The following FMO3 variants were observed in gnomAD, a reference collection of about 807,000 sequenced individuals.
The protein encoded by FMO3 is flavin-containing monooxygenase 3.
A neutral mutation model predicts 39.4 loss-of-function variants in FMO3; 40 were observed. The ratio of observed to expected loss-of-function variants is 1.02; its 90% CI spans 0.79 to 1.32. The LOEUF (loss-of-function observed/expected upper bound fraction) is 1.32. Ranked by LOEUF, FMO3 falls within the 40% of genes most tolerant of loss-of-function variation. FMO3 has a pLI of 0.00. For missense variants in FMO3, 680 were observed against 651.8 expected (o/e 1.04, Z -0.47); for synonymous variants, 219 against 228.8 (o/e 0.96, Z 0.39).
intron 2 of FMO3, among the ~76,000 whole-genome samples, chr1:171,095,410 A>G (rs1255231511): frequency 6.6e-6 from 1 of 152,000 alleles, no homozygotes; most frequent in East Asian, 1.9e-4. Context: ...GGGCTTCCCT[A>G]TGTTCTCCAC....
chr1:171,096,941 T>TC (rs1655122842), intron 2 of FMO3, among the ~76,000 whole-genome samples: 2 of 147,432 alleles, frequency 1.4e-5, no homozygotes, highest in South Asian at 4.4e-4. Flanking sequence ...CCCTCCCCAC[T>TC]CCCCCCGCCC....
chr1:171,110,873 C>T lies in FMO3; in HGVS notation c.703C>T (p.Leu235Phe), dbSNP rs1329449244. 5 of 1,613,880 alleles carry T rather than the reference C, an allele frequency of 3.1e-6. No individual in the cohort carries two copies. In the African/African-American group the frequency reaches 4.0e-5, roughly 13 times the overall value. The change falls in exon 6 of 9, where the codon CTC becomes TTC. Residue 235 changes from leucine to phenylalanine, a missense_variant. By Grantham distance (22) the Leu-to-Phe change is conservative. Transcript: ENST00000367755. ...WDNGYPWDML[L>F]VTRFGTFLKN... Reference sequence around the variant, plus strand: ...CAATGGTTATCCTTGGGACATGCTGCTCGTCACTCGATTTGGAACCTTCCT... The same window carrying T: ...CAATGGTTATCCTTGGGACATGCTGTTCGTCACTCGATTTGGAACCTTCCT...
chr1:171,096,615 TACATA>T (rs1327899183), intron 2 of FMO3, among the ~76,000 whole-genome samples: 9 of 124,970 alleles, frequency 7.2e-5, no homozygotes, highest in East Asian at 2.3e-4. Flanking sequence ...ATATATTAAA[TACATA>T]ATATACTTTA....
Position 171,103,967 on chromosome 1 carries a change from A to AT in FMO3, c.318dup (p.Lys107Ter), listed in dbSNP as rs772186472. On this transcript the variant is annotated frameshift_variant, in exon 3 of 9. Coordinates refer to ENST00000367755, the MANE Select transcript of FMO3 (RefSeq NM_001002294.3). LOFTEE classifies it high-confidence loss of function. ...AAAAGAACCTCCTGAAGTACATACA[A>AT]TTTAAGGTAAGATGTTATCAACAAT... 10 of 1,608,282 alleles carry AT rather than the reference A, an allele frequency of 6.2e-6. No homozygotes were observed. The highest frequency in any genetic ancestry group is 8.5e-6 in the Non-Finnish European group (10 of 1,174,910).
At chr1:171,096,062 T>TTATTATTTTATA (rs1655001740) in intron 2 of FMO3, among the ~76,000 whole-genome samples, 2 of 53,040 alleles carry the variant, frequency 3.8e-5, no homozygotes, top group Non-Finnish European at 5.3e-5. Flanking sequence ...ATATAATATA[T>TTATTATTTTATA]ATTATATATT....
intron 2 of FMO3, chr1:171,101,229 G>A (rs1439764680): frequency 8.8e-6 from 4 of 456,062 alleles, no homozygotes; most frequent in African/African-American, 8.0e-5. Flanking sequence ...TTCGTTTTCA[G>A]CCTACTGATA....
intron 2 of FMO3, among the ~76,000 whole-genome samples, chr1:171,096,645 AATATATTTTATATTTAAAAT>A (rs543862447): frequency 0.015 from 722 of 49,660 alleles, 36 homozygotes; most frequent in African/African-American, 0.066. Context: ...TTAAATACAT[AATATATTTTATATTTAAAAT>A]ATATATTTTA....
In FMO3 at chr1:171,117,251, C is replaced by T. The variant is rs1656200306; in HGVS notation, c.1408C>T (p.Gln470Ter). 2 of 1,614,144 alleles carry T rather than the reference C, an allele frequency of 1.2e-6. No homozygotes were observed. The highest frequency in any genetic ancestry group is 4.5e-5 in the East Asian group (2 of 44,876). ...TTATTTTGGCCCTTGTAGTCCCTACCAGTTTAGGCTGGTGGGCCCAGGGCA... is the reference window on the plus strand; with the variant it reads ...TTATTTTGGCCCTTGTAGTCCCTACTAGTTTAGGCTGGTGGGCCCAGGGCA... Reference protein sequence around the residue: ...EVYFGPCSPYQFRLVGPGQWP... With the variant: ...EVYFGPCSPY The change falls in exon 9 of 9, where the codon CAG (glutamine) becomes TAG (stop). Residue 470 changes from glutamine to a stop codon, truncating the protein, a stop_gained. Transcript: ENST00000367755. LOFTEE classifies it low-confidence loss of function (END_TRUNC).
intron 2 of FMO3, chr1:171,101,669 T>A: frequency 8.3e-6 from 4 of 480,420 alleles, no homozygotes; most frequent in South Asian, 6.1e-5. Flanking sequence ...TAGTTCTGAC[T>A]TCTAACCCTG....
intron 7 of FMO3, among the ~76,000 whole-genome samples, chr1:171,115,987 T>C (rs1656128623): frequency 6.6e-6 from 1 of 152,236 alleles, no homozygotes. Flanking sequence ...GAAACTGTTT[T>C]GAAACATCTT....
At chr1:171,114,795 T>A (rs1407142155) in intron 7 of FMO3, among the ~76,000 whole-genome samples, 3 of 152,216 alleles carry the variant, frequency 2.0e-5, no homozygotes, top group Non-Finnish European at 4.4e-5. Flanking sequence ...ATGGAAAATA[T>A]GATTGCTGGA....
chr1:171,095,657 TATAG>T (rs911292642), intron 2 of FMO3, among the ~76,000 whole-genome samples: 2 of 148,524 alleles, frequency 1.3e-5, no homozygotes, highest in African/African-American at 5.0e-5. Flanking sequence ...TTCTTATTAA[TATAG>T]ATATTTTGCA....
chr1:171,110,725 G>A, intron 5 of FMO3, 73 bp from the exon 6 acceptor site: 1 of 1,339,234 alleles, frequency 7.5e-7, no homozygotes, highest in Non-Finnish European at 1.1e-6. Context: ...TCCTCAAGAG[G>A]GATCTGGGGT....
chr1:171,091,829 TAC>T (rs1654721780), intron 1 of FMO3, among the ~76,000 whole-genome samples: 1 of 146,266 alleles, frequency 6.8e-6, no homozygotes, highest in Non-Finnish European at 1.5e-5. Context: ...CACACTGAAA[TAC>T]AGACATCTTC....
chr1:171,100,382 G>A (rs926880735), intron 2 of FMO3: 1 of 152,200 alleles, frequency 6.6e-6, no homozygotes, highest in Non-Finnish European at 1.5e-5. Context: ...CAAGCCTGAA[G>A]GAATTTGTCC....
intron 5 of FMO3, 133 bp downstream of exon 5, chr1:171,108,354 C>T: frequency 9.4e-7 from 1 of 1,066,924 alleles, no homozygotes; most frequent in South Asian, 1.4e-5. Context: ...TTTCACATAG[C>T]TGAGCTTCCC....
At chr1:171,107,637 G>C (rs769531065) in intron 3 of FMO3, 38 bp from the exon 4 acceptor site, 1 of 1,578,270 alleles carries the variant, frequency 6.3e-7, no homozygotes, top group East Asian at 2.2e-5. Context: ...CCATTTGCTA[G>C]CATAGAAAAG....
Position 171,107,701 on chromosome 1 carries a change from T to C in FMO3, c.348T>C (p.His116=). 6.2e-7 allele frequency: 1 copy of C among 1,613,272 alleles called. No individual in the cohort carries two copies. Among genetic ancestry groups the C allele is most frequent in the Non-Finnish European group, 8.5e-7 (1 of 1,179,314 alleles). ...FKTFVSSVNK[H]PDFATTGQWD... ...CATTTGTATCCAGTGTAAATAAACA[T>C]CCTGATTTTGCAACTACTGGCCAGT... is the stretch of plus-strand genomic sequence containing the variant. The change falls in exon 4 of 9, where the codon CAT becomes CAC. Residue 116 remains histidine (H), a synonymous_variant. Coordinates refer to ENST00000367755, the MANE Select transcript of FMO3 (RefSeq NM_001002294.3).
intron 5 of FMO3, among the ~76,000 whole-genome samples, chr1:171,108,604 G>A (rs1655757802): frequency 6.6e-6 from 1 of 152,106 alleles, no homozygotes; most frequent in Non-Finnish European, 1.5e-5. Flanking sequence ...ACCTACTTCT[G>A]GGCTTGTTAT....
Sources: allele counts gnomAD v4.1 joint callset (sites outside exome capture counted in the v4.1 genomes callset), GRCh38; gene constraint gnomAD v4.1.1; transcripts MANE v1.5; gene names NCBI Gene and HGNC (gene_info 2026-07-23, HGNC 2026-07-21).